The following CHD7 variants were observed in gnomAD, a reference collection of about 807,000 sequenced individuals.
The protein encoded by CHD7 is ATP-dependent chromatin remodeler CHD7.
A neutral mutation model predicts 307.3 loss-of-function variants in CHD7; 24 were observed. That is an observed-to-expected ratio of 0.08 (90% confidence interval 0.06 to 0.11). The LOEUF (loss-of-function observed/expected upper bound fraction) is 0.11. Among genes scored for constraint, CHD7 ranks in the 10% least tolerant of loss-of-function variants. The pLI, the probability that CHD7 is intolerant of heterozygous loss-of-function variation, is 1.00. For synonymous variants in CHD7, 1,363 were observed against 1,349.9 expected, an observed-to-expected ratio of 1.01 and a Z score of -0.21; for missense variants, 3,106 against 3,727.1, an observed-to-expected ratio of 0.83 and a Z score of 4.34.
chr8:60,848,454 C>T, intron 23 of CHD7, 61 bp from the exon 24 acceptor site: 2 of 1,178,360 alleles, frequency 1.7e-6, no homozygotes, highest in Non-Finnish European at 2.5e-6. Flanking sequence ...CTGCCAAAAG[C>T]CACTGTTGGC....
At chr8:60,818,880 A>G (rs765104923) in intron 8 of CHD7, among the ~76,000 whole-genome samples, 5 of 152,246 alleles carry the variant, frequency 3.3e-5, no homozygotes, top group Admixed American at 3.3e-4. Flanking sequence ...AGAGGTGCAC[A>G]TAATAAAATG....
In CHD7 at chr8:60,862,134, T is replaced by C. The variant is rs145240579; in HGVS notation, c.7831-62T>C. The stretch of plus-strand genomic sequence containing the variant: ...GATGATCTGACAGTTCTCTTTGGCA[T>C]TTATATAGAGAAGAATAAGTACTAA... On this transcript the variant is annotated intron_variant, in intron 35 of 37. Coordinates refer to ENST00000423902, the MANE Select transcript of CHD7 (RefSeq NM_017780.4). 2.9e-4 allele frequency: 396 copies of C among 1,347,196 alleles called. No homozygotes were observed. The African/African-American group carries it at 5.3e-3, about 18-fold the overall frequency. The allele number at this position is 1,347,196 out of a possible 1,614,324, so 83.5% of individuals were successfully genotyped here.
intron 1 of CHD7, among the ~76,000 whole-genome samples, chr8:60,694,067 A>G (rs1190617628): frequency 1.3e-5 from 2 of 152,256 alleles, no homozygotes; most frequent in Non-Finnish European, 2.9e-5. Context: ...ACTTTAATGA[A>G]TGCAAAGGCA....
intron 1 of CHD7, among the ~76,000 whole-genome samples, chr8:60,680,760 A>G (rs1805585518): frequency 6.6e-6 from 1 of 152,204 alleles, no homozygotes; most frequent in African/African-American, 2.4e-5. Flanking sequence ...CCACATGGAG[A>G]GAGTTTCCTT....
At chr8:60,693,444 G>T (rs1806303467) in intron 1 of CHD7, among the ~76,000 whole-genome samples, 1 of 152,180 alleles carries the variant, frequency 6.6e-6, no homozygotes, top group African/African-American at 2.4e-5. Flanking sequence ...TGCTCCTCTG[G>T]CAGGGCTTGT....
At chr8:60,770,016 C>G (rs1810637767) in intron 2 of CHD7, among the ~76,000 whole-genome samples, 1 of 152,152 alleles carries the variant, frequency 6.6e-6, no homozygotes, top group Non-Finnish European at 1.5e-5. Context: ...ATGTCACAGC[C>G]ATTCATTATT....
chr8:60,823,390 TATATATAG>T (rs200811002), intron 12 of CHD7, among the ~76,000 whole-genome samples: 2,221 of 109,964 alleles, frequency 0.02, 52 homozygotes, highest in African/African-American at 0.087. Flanking sequence ...ATGTTTTTGC[TATATATAG>T]ATAGATAGAT....
At chr8:60,826,843 GTC>G (rs1225508950) in intron 13 of CHD7, among the ~76,000 whole-genome samples, 2 of 152,192 alleles carry the variant, frequency 1.3e-5, no homozygotes, top group African/African-American at 2.4e-5. Flanking sequence ...ACACAAAAGA[GTC>G]TGCTTAAAAT....
At chr8:60,732,338 G>A (rs1001943021) in intron 1 of CHD7, among the ~76,000 whole-genome samples, 7 of 152,210 alleles carry the variant, frequency 4.6e-5, no homozygotes, top group South Asian at 4.1e-4. Flanking sequence ...CGAAGAGCAC[G>A]CTTCTTACAA....
At chr8:60,817,477 A>G (rs1803804375) in intron 8 of CHD7, among the ~76,000 whole-genome samples, 1 of 152,196 alleles carries the variant, frequency 6.6e-6, no homozygotes, top group South Asian at 2.1e-4. Context: ...CCATGGTCCC[A>G]ACTGGCCTAT....
At chr8:60,861,567 G>T (rs571233844) in intron 35 of CHD7, 2 of 158,324 alleles carry the variant, frequency 1.3e-5, no homozygotes, top group Admixed American at 6.2e-5. Flanking sequence ...TGTATTAGCT[G>T]CTTTTATGGC....
chr8:60,812,591 G>T (rs1812863582), intron 7 of CHD7, among the ~76,000 whole-genome samples: 1 of 150,590 alleles, frequency 6.6e-6, no homozygotes, highest in Non-Finnish European at 1.5e-5. Context: ...TTGAACCCGG[G>T]AGGCAGAGGT....
At chr8:60,772,203 T>G (rs1371897180) in intron 2 of CHD7, among the ~76,000 whole-genome samples, 1 of 152,216 alleles carries the variant, frequency 6.6e-6, no homozygotes, top group Non-Finnish European at 1.5e-5. Context: ...TAAATTAACT[T>G]TATCACTATG....
At chr8:60,692,507 T>C (rs1806248258) in intron 1 of CHD7, among the ~76,000 whole-genome samples, 1 of 152,266 alleles carries the variant, frequency 6.6e-6, no homozygotes, top group Admixed American at 6.5e-5. Context: ...CACGGGCATA[T>C]AATACATTTA....
At chr8:60,703,353 G>T (rs571060752) in intron 1 of CHD7, among the ~76,000 whole-genome samples, 8 of 152,142 alleles carry the variant, frequency 5.3e-5, no homozygotes, top group Non-Finnish European at 7.3e-5. Context: ...CCTTTGACCA[G>T]TGATTGGTCA....
chr8:60,758,038 T>G (rs918648666), intron 2 of CHD7, among the ~76,000 whole-genome samples: 3 of 152,246 alleles, frequency 2.0e-5, no homozygotes, highest in African/African-American at 7.2e-5. Context: ...ATTTACCATA[T>G]CAGAAATGAA....
chr8:60,738,210 A>G (rs933221841), intron 1 of CHD7, among the ~76,000 whole-genome samples: 1 of 152,202 alleles, frequency 6.6e-6, no homozygotes, highest in African/African-American at 2.4e-5. Flanking sequence ...GATGTACTGT[A>G]AGTGTAAATT....
At chr8:60,849,342 T>A (rs921254927) in intron 25 of CHD7, among the ~76,000 whole-genome samples, 188 bp downstream of exon 25, 1 of 152,222 alleles carries the variant, frequency 6.6e-6, no homozygotes, top group Non-Finnish European at 1.5e-5. Flanking sequence ...TTTTGAATGT[T>A]TGTTGAGCAT....
chr8:60,686,653 C>T (rs565783855), intron 1 of CHD7, among the ~76,000 whole-genome samples: 38 of 152,230 alleles, frequency 2.5e-4, no homozygotes, highest in African/African-American at 7.7e-4. Flanking sequence ...GAGCAGGGAC[C>T]GCGTGCGACC....
Sources: allele counts gnomAD v4.1 joint callset (sites outside exome capture counted in the v4.1 genomes callset), GRCh38; gene constraint gnomAD v4.1.1; transcripts MANE v1.5; gene names NCBI Gene and HGNC (gene_info 2026-07-23, HGNC 2026-07-21).